CSAD: variants seen among roughly 807,000 people sequenced by gnomAD.
CSAD encodes the protein P-selectin cytoplasmic tail-associated protein.
Under a neutral mutation model 61.5 loss-of-function variants are expected in CSAD, and 47 were observed. The observed-to-expected ratio is 0.76, with a 90% CI of 0.60 to 0.97. CSAD has a LOEUF of 0.97. Ranked by LOEUF, CSAD falls within the 50% of genes least tolerant of loss-of-function variation. CSAD has a pLI of 0.00. For missense variants in CSAD, 611 were observed against 643.6 expected, an observed-to-expected ratio of 0.95 and a Z score of 0.55; for synonymous variants, 245 against 252.7, an observed-to-expected ratio of 0.97 and a Z score of 0.29.
rs1014557459 is a variant in CSAD, at chr12:53,180,824, G to C, written c.-183C>G. 7 of 1,271,242 alleles carry C rather than the reference G, an allele frequency of 5.5e-6. No homozygotes were observed. In the Admixed American group the frequency reaches 1.7e-4, roughly 30 times the overall value. The allele number at this position is 1,271,242 out of a possible 1,614,324, so 78.7% of individuals were successfully genotyped here. A position where few individuals can be genotyped will look rare whatever the true frequency, so the allele number is the denominator to read the frequency against. On this transcript the variant is annotated 5_prime_UTR_variant, in exon 1 of 17. Transcript: ENST00000444623. ...CGCGCGGCCAGGGAGCCAGCGGGAG[G>C]CCGCGCCTGGCAGGTAGGAGCAAGC...
At chr12:53,170,248 C>G in intron 9 of CSAD, 122 bp from the exon 10 acceptor site, 1 of 1,055,788 alleles carries the variant, frequency 9.5e-7, no homozygotes, top group African/African-American at 1.6e-5. Flanking sequence ...AAACAGATCT[C>G]AGGGCAGAGG....
At chr12:53,176,908 T>C (rs1017773945) in intron 2 of CSAD, among the ~76,000 whole-genome samples, 1 of 151,886 alleles carries the variant, frequency 6.6e-6, no homozygotes, top group Admixed American at 6.6e-5. Flanking sequence ...AATTTTTTAA[T>C]TTTTTGTAAA....
Position 53,172,394 on chromosome 12 carries a change from G to C in CSAD, c.296C>G (p.Pro99Arg). The C allele has an allele frequency of 6.2e-7, 1 of 1,614,108 alleles. No homozygotes were observed. The highest frequency in any genetic ancestry group is 8.5e-7 in the Non-Finnish European group (1 of 1,180,018). Residue 99 changes from proline (P) to arginine (R), a missense_variant, in exon 6 of 17, where the codon CCC (proline) becomes CGC (arginine). Coordinates refer to ENST00000444623, the MANE Select transcript of CSAD (RefSeq NM_001244705.2). Reference sequence around the variant, plus strand: ...GATAATGCGCCCGGCCAGAGCATGGGGATCCAACCCAGAGAAGAGCTGGTT... The same window carrying C: ...GATAATGCGCCCGGCCAGAGCATGGCGATCCAACCCAGAGAAGAGCTGGTT... ...FFNQLFSGLD[P>R]HALAGRIITE...
chr12:53,178,520 G>A, intron 2 of CSAD: 1 of 306,782 alleles, frequency 3.3e-6, no homozygotes, highest in Non-Finnish European at 6.6e-6. Context: ...GGCCGGGTGT[G>A]GTGGCTCACA....
intron 13 of CSAD, 52 bp downstream of exon 13, chr12:53,160,711 G>A: frequency 6.9e-7 from 1 of 1,441,786 alleles, no homozygotes; most frequent in Non-Finnish European, 9.6e-7. Context: ...GGATAGAGAA[G>A]GCAGAGCTCC....
At position 53,178,340 on chromosome 12, in the gene CSAD, A is replaced by G. The variant is rs186588281; in HGVS notation, c.-50+762T>C. 9.7e-4 allele frequency: 439 copies of G among 454,484 alleles called. 1 individual carries two copies. The highest frequency in any genetic ancestry group is 7.6e-3 in the African/African-American group (378 of 49,834). 28.2% of individuals were successfully genotyped at this position (454,484 alleles called of 1,614,324 possible). On this transcript the variant is annotated intron_variant, in intron 2 of 16. Transcript: ENST00000444623. ...ACAAAAAAACAAAAAAAAAACTACA[A>G]AATTATCCAGGCACAGTTGCCCACA...
rs73099944 is a variant in CSAD, at chr12:53,170,364, G to A, written c.647+59C>T. On this transcript the variant is annotated intron_variant, in intron 9 of 16. Coordinates refer to ENST00000444623, the MANE Select transcript of CSAD (RefSeq NM_001244705.2). ...GGGTCTGATGCCAGAGCTTTCTGGC[G>A]GCAGGAAGTTACGCTGTGCAAAGCT... 3.8e-4 allele frequency: 561 copies of A among 1,463,882 alleles called. 1 individual carries two copies. The highest frequency in any genetic ancestry group is 4.9e-4 in the Non-Finnish European group (509 of 1,043,448). 90.7% of individuals were successfully genotyped at this position (1,463,882 alleles called of 1,614,324 possible).
chr12:53,178,916 G>GACTCTCGCCTCACCACA (rs1781250979), intron 2 of CSAD, among the ~76,000 whole-genome samples, 186 bp downstream of exon 2: 1 of 151,960 alleles, frequency 6.6e-6, no homozygotes, highest in Non-Finnish European at 1.5e-5. Flanking sequence ...GGAAAGGCAC[G>GACTCTCGCCTCACCACA]ACTCTCGCCT....
chr12:53,165,541 T>G (rs1939825175), intron 10 of CSAD, among the ~76,000 whole-genome samples: 4 of 151,048 alleles, frequency 2.6e-5, no homozygotes, highest in Admixed American at 2.6e-4. Context: ...CGGGAGCCTG[T>G]AGTCCCAGCT....
chr12:53,173,809 T>A, intron 2 of CSAD, 39 bp from the exon 3 acceptor site: 1 of 1,606,352 alleles, frequency 6.2e-7, no homozygotes, highest in Non-Finnish European at 8.5e-7. Flanking sequence ...GGAAGTGGGG[T>A]GAAAAGTGTA....
In CSAD at chr12:53,160,232, T is replaced by G; in HGVS notation, c.1054A>C (p.Lys352Gln). ...ACACGGCGGCCACACTGCACCACCT[T>G]GTCTCCCGTGTCCAGAGCCACATCG... ...FYDVALDTGD[K>Q]VVQCGRRVDC... Residue 352 changes from lysine to glutamine, a missense_variant, in exon 14 of 17, where the codon AAG (lysine) becomes CAG (glutamine). Physicochemically the swap from Lys to Gln is moderately conservative, Grantham distance 53. Transcript: ENST00000444623. The G allele has an allele frequency of 1.2e-6, 2 of 1,614,222 alleles. No individual in the cohort carries two copies. Among genetic ancestry groups the G allele is most frequent in the Non-Finnish European group, 1.7e-6 (2 of 1,180,032 alleles).
At chr12:53,174,901 C>G (rs920805051) in intron 2 of CSAD, among the ~76,000 whole-genome samples, 3 of 152,196 alleles carry the variant, frequency 2.0e-5, no homozygotes, top group Non-Finnish European at 2.9e-5. Context: ...CCCAACTCCT[C>G]AATCCACTGT....
chr12:53,170,720 TTG>T, intron 8 of CSAD: 2 of 565,174 alleles, frequency 3.5e-6, no homozygotes, highest in Non-Finnish European at 6.3e-6. Flanking sequence ...CTGCATTTGT[TTG>T]TTTTTTTTTT....
intron 2 of CSAD, among the ~76,000 whole-genome samples, chr12:53,175,591 C>T (rs1318815774): frequency 6.6e-6 from 1 of 152,180 alleles, no homozygotes; most frequent in African/African-American, 2.4e-5. Flanking sequence ...ATTAAGTAAA[C>T]TAATAGAAAA....
intron 9 of CSAD, 104 bp from the exon 10 acceptor site, chr12:53,170,230 A>G (rs1005368545): frequency 1.7e-6 from 2 of 1,159,730 alleles, no homozygotes; most frequent in Non-Finnish European, 2.6e-6. Context: ...TTTTTCCCTC[A>G]GGGGGTGAAA....
chr12:53,181,090 G>T, upstream of CSAD: 1 of 902,038 alleles, frequency 1.1e-6, no homozygotes, highest in Non-Finnish European at 1.3e-6. Context: ...CGCATCTCGC[G>T]CGCTTCTCGG....
chr12:53,162,177 G>A (rs564959905), intron 10 of CSAD, among the ~76,000 whole-genome samples: 1 of 151,984 alleles, frequency 6.6e-6, no homozygotes, highest in Admixed American at 6.6e-5. Context: ...CGAGGCAGAG[G>A]CATGAGAATC....
At chr12:53,179,039 G>C (rs1375104940) in intron 2 of CSAD, 63 bp downstream of exon 2, 1 of 152,172 alleles carries the variant, frequency 6.6e-6, no homozygotes, top group Non-Finnish European at 1.5e-5. Context: ...TTTTAGAAGA[G>C]ACGCGGTTTC....
intron 6 of CSAD, 122 bp downstream of exon 6, chr12:53,172,224 C>T (rs1940670751): frequency 9.1e-6 from 9 of 989,076 alleles, no homozygotes; most frequent in Admixed American, 1.9e-5. Context: ...AACTCTCTGC[C>T]GACAGGGATT....
Sources: gnomAD v4.1 joint callset for allele counts (sites outside exome capture counted in the v4.1 genomes callset) on GRCh38, gnomAD v4.1.1 for gene constraint, MANE v1.5 for transcripts, NCBI Gene and HGNC (gene_info 2026-07-23, HGNC 2026-07-21) for gene names.